Variants in WSCD2 observed in about 807,000 individuals in gnomAD.
The protein encoded by WSCD2 is WSC domain sialate O sulfotransferase 2.
Under a neutral mutation model 55.7 loss-of-function variants are expected in WSCD2, and 28 were observed. That is an observed-to-expected ratio of 0.50 (90% CI 0.37 to 0.69). The LOEUF is 0.69. Among genes scored for constraint, WSCD2 ranks in the 30% least tolerant of loss-of-function variants. The pLI is 0.00. For synonymous variants in WSCD2, 301 were observed against 301.9 expected, an observed-to-expected ratio of 1.00 and a Z score of 0.03; for missense variants, 616 against 762.1, an observed-to-expected ratio of 0.81 and a Z score of 2.26.
intron 1 of WSCD2, among the ~76,000 whole-genome samples, chr12:108,157,675 T>C (rs1256219918): frequency 6.6e-6 from 1 of 152,164 alleles, no homozygotes; most frequent in Non-Finnish European, 1.5e-5. Context: ...TGGAGCTGAG[T>C]GCAGCTGCTG....
In WSCD2 at chr12:108,240,360, G is replaced by T; in HGVS notation, c.1161G>T (p.Arg387=). 2 of 1,614,068 alleles carry T rather than the reference G, an allele frequency of 1.2e-6. No homozygotes were observed. The highest frequency in any genetic ancestry group is 1.7e-6 in the Non-Finnish European group (2 of 1,180,030). ...TGCGGGAAGGGTTTAAAGGTGAGCG[G>T]GACCACTGGCGCAGCGGACGGACCA... is the stretch of plus-strand genomic sequence containing the variant. ...SLYNKGFKGE[R]DHWRSGRTIC... is the part of the protein sequence containing the mutation. Residue 387 remains arginine, a synonymous_variant, in exon 8 of 9, where the codon CGG becomes CGT. Transcript: ENST00000547525.
intron 1 of WSCD2, among the ~76,000 whole-genome samples, chr12:108,134,752 A>G (rs1324310665): frequency 6.6e-6 from 1 of 152,164 alleles, no homozygotes; most frequent in Non-Finnish European, 1.5e-5. Flanking sequence ...CTTTCTGTCC[A>G]TCCTAATATC....
rs1313918954 is a variant in WSCD2 at position 108,232,731 on chromosome 12, A to T, written c.980A>T (p.Asp327Val). The T allele has an allele frequency of 6.2e-7, 1 of 1,609,532 alleles. No homozygotes were observed. Among genetic ancestry groups the T allele is most frequent in the East Asian group, 2.2e-5 (1 of 44,740 alleles). ...TCTGTCCATGCTCCGCCCTTTTCAG[A>T]CAACCGTTGCATGGACAGAAGGTTC... ...YFIVYQTQVQ[D>V]NRCMDRRFLP... Residue 327 changes from aspartate (D) to valine (V), a missense_variant and splice_region_variant, in exon 7 of 9, where the codon GAC (aspartate) becomes GTC (valine). Physicochemically the swap from Asp to Val is radical, Grantham distance 152. Transcript: ENST00000547525.
At chr12:108,167,986 G>A (rs1463514348) in intron 1 of WSCD2, among the ~76,000 whole-genome samples, 1 of 152,216 alleles carries the variant, frequency 6.6e-6, no homozygotes, top group African/African-American at 2.4e-5. Flanking sequence ...ATCAACTGAT[G>A]TCCCATTGCT....
At chr12:108,236,397 G>A (rs1264902496) in intron 7 of WSCD2, among the ~76,000 whole-genome samples, 1 of 152,190 alleles carries the variant, frequency 6.6e-6, no homozygotes, top group Admixed American at 6.5e-5. Flanking sequence ...GAGGCAGGGA[G>A]GGAGGGAATT....
chr12:108,153,603 C>T (rs1177765534), intron 1 of WSCD2, among the ~76,000 whole-genome samples: 1 of 152,202 alleles, frequency 6.6e-6, no homozygotes, highest in Non-Finnish European at 1.5e-5. Flanking sequence ...ACCCCCAAGC[C>T]TGAAAAGGCA....
Position 108,210,857 on chromosome 12 carries a change from G to C in WSCD2, c.682+552G>C, listed in dbSNP as rs901399430. ...CTCTGGAGTCCTTGATGCTTTCAAAGAGAGAATTCATCCTGGCTTTTTCAA... is the reference window on the plus strand; with the variant it reads ...CTCTGGAGTCCTTGATGCTTTCAAACAGAGAATTCATCCTGGCTTTTTCAA... On this transcript the variant is annotated intron_variant, in intron 4 of 8. Coordinates refer to ENST00000547525, the MANE Select transcript of WSCD2 (RefSeq NM_014653.4). The surrounding 1 kb of genome is among the most constrained non-coding windows in gnomAD (Gnocchi z 4.3). 1.3e-5 allele frequency among the ~76,000 whole-genome samples: 2 copies of C among 152,220 alleles called. No homozygotes were observed. The highest frequency in any genetic ancestry group is 2.9e-5 in the Non-Finnish European group (2 of 68,030).
At chr12:108,202,320 A>G (rs950063841) in intron 2 of WSCD2, among the ~76,000 whole-genome samples, 3 of 152,252 alleles carry the variant, frequency 2.0e-5, no homozygotes, top group African/African-American at 7.2e-5. Context: ...GCCGTGATGC[A>G]TAACATGCCT....
intron 1 of WSCD2, among the ~76,000 whole-genome samples, chr12:108,143,761 G>A (rs1877101622): frequency 6.6e-6 from 1 of 152,174 alleles, no homozygotes; most frequent in African/African-American, 2.4e-5. Flanking sequence ...ACCCTGTGTA[G>A]CCTTGGATCA....
At chr12:108,173,115 A>C (rs1880403902) in intron 1 of WSCD2, among the ~76,000 whole-genome samples, 1 of 152,138 alleles carries the variant, frequency 6.6e-6, no homozygotes, top group Non-Finnish European at 1.5e-5. Flanking sequence ...ACTTTGAAAA[A>C]TAAATGTGTG....
chr12:108,200,398 A>G (rs1884510737), intron 2 of WSCD2, among the ~76,000 whole-genome samples: 1 of 152,248 alleles, frequency 6.6e-6, no homozygotes, highest in Admixed American at 6.5e-5. Flanking sequence ...ATTTGATCAG[A>G]GTCCAAAGCC....
At chr12:108,140,048 T>G (rs1477097533) in intron 1 of WSCD2, among the ~76,000 whole-genome samples, 1 of 152,082 alleles carries the variant, frequency 6.6e-6, no homozygotes, top group East Asian at 1.9e-4. Context: ...GACGTGACCT[T>G]ATGCATGGAG....
intron 1 of WSCD2, among the ~76,000 whole-genome samples, chr12:108,166,698 TTTTC>T (rs1007704808): frequency 1.3e-4 from 20 of 151,604 alleles, no homozygotes; most frequent in Admixed American, 2.0e-4. Flanking sequence ...TTGCTGCATT[TTTTC>T]TTTCTTTCTT....
rs1200847454 is a variant in WSCD2 at position 108,232,025 on chromosome 12, A to G, written c.980-706A>G. On this transcript the variant is annotated intron_variant, in intron 6 of 8. Coordinates refer to ENST00000547525, the MANE Select transcript of WSCD2 (RefSeq NM_014653.4). ...AGGTAGGAGGCAATGGAGAGGGAACAGCATGCATGAAGGCACTATGTCAGG... is the reference window on the plus strand; with the variant it reads ...AGGTAGGAGGCAATGGAGAGGGAACGGCATGCATGAAGGCACTATGTCAGG... 3.3e-5 allele frequency among the ~76,000 whole-genome samples: 5 copies of G among 152,230 alleles called. No individual in the cohort carries two copies. The East Asian group carries it at 9.6e-4, about 29-fold the overall frequency.
chr12:108,249,015 C>A lies in WSCD2; in HGVS notation c.*672C>A. ...GGCCACACTGCTTCTCAGAAATGAG[C>A]TGCTTGCCTTTCCACCTCCAGGGCA... On this transcript the variant is annotated 3_prime_UTR_variant, in exon 9 of 9. Transcript: ENST00000547525. 1 of 725,930 alleles carries A rather than the reference C, an allele frequency of 1.4e-6. No homozygotes were observed. Among genetic ancestry groups the A allele is most frequent in the African/African-American group, 1.9e-5 (1 of 52,108 alleles). The allele number at this position is 725,930 out of a possible 1,614,324, so 45.0% of individuals were successfully genotyped here. A position where few individuals can be genotyped will look rare whatever the true frequency, so the allele number is the denominator to read the frequency against.
intron 1 of WSCD2, among the ~76,000 whole-genome samples, chr12:108,136,548 T>C (rs1034862763): frequency 5.3e-5 from 8 of 152,154 alleles, no homozygotes; most frequent in Admixed American, 4.6e-4. Flanking sequence ...TGCCTGGCAT[T>C]GTAATCAGAC....
At chr12:108,200,471 T>G (rs1884522584) in intron 2 of WSCD2, among the ~76,000 whole-genome samples, 1 of 150,460 alleles carries the variant, frequency 6.6e-6, no homozygotes, top group African/African-American at 2.4e-5. Context: ...CTAACTCCAT[T>G]CATTCGTTCA....
intron 2 of WSCD2, among the ~76,000 whole-genome samples, chr12:108,198,379 G>A (rs1884228896): frequency 6.6e-6 from 1 of 152,122 alleles, no homozygotes. Context: ...TCTCATCTTT[G>A]CTAATCTTCA....
In WSCD2 at chr12:108,248,781, G is replaced by A; in HGVS notation, c.*438G>A. On this transcript the variant is annotated 3_prime_UTR_variant, in exon 9 of 9. Transcript: ENST00000547525. This position sits in a 1 kb window ranked among gnomAD's most constrained non-coding sequence, Gnocchi z 4.3. ...CCCAGATGCTTGTCCCTTCTGGGCT[G>A]AGATTTCGCAGCCCCCTTCTCATCT... The A allele has an allele frequency of 2.0e-6, 2 of 992,834 alleles. No homozygotes were observed. The highest frequency in any genetic ancestry group is 2.4e-6 in the Non-Finnish European group (2 of 833,750). 61.5% of individuals were successfully genotyped at this position (992,834 alleles called of 1,614,324 possible).
Sources: allele counts gnomAD v4.1 joint callset (sites outside exome capture counted in the v4.1 genomes callset), GRCh38; gene constraint gnomAD v4.1.1; non-coding constraint Gnocchi (gnomAD v3.1); transcripts MANE v1.5; gene names NCBI Gene and HGNC (gene_info 2026-07-23, HGNC 2026-07-21).